Variants in HABP2 observed in about 807,000 individuals in gnomAD.
The protein encoded by HABP2 is factor VII-activating protease.
HABP2 carries 65 observed loss-of-function variants against 66.5 expected under a neutral mutation model. The observed-to-expected ratio is 0.98, with a 90% CI of 0.80 to 1.20. The LOEUF (loss-of-function observed/expected upper bound fraction) is 1.20. Ranked by LOEUF, HABP2 falls within the 50% of genes most tolerant of loss-of-function variation. HABP2 has a pLI of 0.00. For missense variants in HABP2, 786 were observed against 691.0 expected, an observed-to-expected ratio of 1.14 and a Z score of -1.54; for synonymous variants, 263 against 253.9, an observed-to-expected ratio of 1.04 and a Z score of -0.34.
chr10:113,579,274 A>T (rs1007639444), intron 7 of HABP2, among the ~76,000 whole-genome samples: 2 of 151,920 alleles, frequency 1.3e-5, no homozygotes, highest in Non-Finnish European at 2.9e-5. Flanking sequence ...AAAAGAAAAA[A>T]TGTCTATTTC....
At chr10:113,554,995 CA>C (rs1422803601) in intron 1 of HABP2, among the ~76,000 whole-genome samples, 1 of 152,154 alleles carries the variant, frequency 6.6e-6, no homozygotes, top group Non-Finnish European at 1.5e-5. Context: ...ATACAGACAT[CA>C]GGGGAAAGTG....
Position 113,589,532 on chromosome 10 carries a change from T to C in HABP2, c.*1163T>C. 1 of 1,075,358 alleles carries C rather than the reference T, an allele frequency of 9.3e-7. No homozygotes were observed. Among genetic ancestry groups the C allele is most frequent in the Non-Finnish European group, 1.3e-6 (1 of 749,244 alleles). The allele number at this position is 1,075,358 out of a possible 1,614,324, so 66.6% of individuals were successfully genotyped here. A position where few individuals can be genotyped will look rare whatever the true frequency, so the allele number is the denominator to read the frequency against. The stretch of plus-strand genomic sequence containing the variant: ...TCTCAGACCCATGAAATTAGGCGCC[T>C]TGTTTGAGCTGCGTTTCACACTTCT... On this transcript the variant is annotated 3_prime_UTR_variant, in exon 13 of 13. Transcript: ENST00000351270.
rs74774135 is a variant in HABP2 at position 113,578,871 on chromosome 10, C to T, written c.740+73C>T. 935 of 1,010,982 alleles carry T rather than the reference C, an allele frequency of 9.2e-4. 6 individuals are homozygous for T. In the African/African-American group the frequency reaches 0.013, roughly 14 times the overall value. The allele number at this position is 1,010,982 out of a possible 1,614,324, so 62.6% of individuals were successfully genotyped here. On this transcript the variant is annotated intron_variant, in intron 7 of 12. Transcript: ENST00000351270. Reference sequence around the variant, plus strand: ...AAAACAGATCATTGAAATTCATCAGCCTCCTTTCTAGGAAGATTTTCTTAC... The same window carrying T: ...AAAACAGATCATTGAAATTCATCAGTCTCCTTTCTAGGAAGATTTTCTTAC...
chr10:113,575,222 C>T (rs11575680), intron 3 of HABP2, among the ~76,000 whole-genome samples: 10 of 152,314 alleles, frequency 6.6e-5, no homozygotes, highest in Non-Finnish European at 1.0e-4. Flanking sequence ...ATCCTAGTTC[C>T]TGAACCAAAG....
intron 4 of HABP2, 52 bp from the exon 5 acceptor site, chr10:113,577,098 C>A: frequency 1.0e-6 from 1 of 997,754 alleles, no homozygotes; most frequent in Non-Finnish European, 1.6e-6. Context: ...ACATGTATCC[C>A]TCTAAGGAAA....
At chr10:113,566,784 G>A (rs558253311) in intron 1 of HABP2, among the ~76,000 whole-genome samples, 1 of 152,304 alleles carries the variant, frequency 6.6e-6, no homozygotes, top group Non-Finnish European at 1.5e-5. Flanking sequence ...CTTCCAGGCA[G>A]AGGCAACAAT....
At position 113,574,388 on chromosome 10, in the gene HABP2, A is replaced by T. The variant is rs1227284905; in HGVS notation, c.206A>T (p.Tyr69Phe). ...CACGCTGAGAATCCTGACTGGTACT[A>T]CACTGAGGACCAAGCTGGTAGGTAC... ...LTHAENPDWY[Y>F]TEDQADPCQP... The change falls in exon 3 of 13, where the codon TAC becomes TTC. Residue 69 changes from tyrosine (Y) to phenylalanine (F), a missense_variant. Coordinates refer to ENST00000351270, the MANE Select transcript of HABP2 (RefSeq NM_004132.5). 6.5e-7 allele frequency: 1 copy of T among 1,530,618 alleles called. No homozygotes were observed. Among genetic ancestry groups the T allele is most frequent in the Admixed American group, 1.7e-5 (1 of 59,892 alleles). 94.8% of individuals were successfully genotyped at this position (1,530,618 alleles called of 1,614,324 possible).
intron 6 of HABP2, 104 bp from the exon 7 acceptor site, chr10:113,578,523 A>G: frequency 1.3e-6 from 1 of 749,506 alleles, no homozygotes; most frequent in African/African-American, 1.7e-5. Flanking sequence ...GGCGATAAAT[A>G]TGCAGGTCCA....
intron 1 of HABP2, among the ~76,000 whole-genome samples, chr10:113,564,762 CT>C (rs1195144342): frequency 1.3e-5 from 2 of 152,160 alleles, no homozygotes; most frequent in African/African-American, 4.8e-5. Context: ...TCTCATTCTC[CT>C]GTGTGTATAG....
At chr10:113,564,795 T>C (rs1845166873) in intron 1 of HABP2, among the ~76,000 whole-genome samples, 1 of 152,188 alleles carries the variant, frequency 6.6e-6, no homozygotes, top group Non-Finnish European at 1.5e-5. Context: ...GTTTGTTTGC[T>C]GAATCATTTG....
chr10:113,573,937 C>T (rs1268513115), intron 2 of HABP2, among the ~76,000 whole-genome samples: 1 of 152,164 alleles, frequency 6.6e-6, no homozygotes, highest in African/African-American at 2.4e-5. Context: ...AGGTCCCAAT[C>T]CTCTTCCTGC....
chr10:113,583,353 A>G lies in HABP2; in HGVS notation c.1232A>G (p.Asp411Gly). ...GAAAGAGATGAGATTCCCCACAATG[A>G]TATTGGCAAGTTCCTCTTTCATGGC... ...YNERDEIPHNDIALLKLKPVD... is the reference protein window; with the variant it reads ...YNERDEIPHNGIALLKLKPVD... Residue 411 changes from aspartate (D) to glycine (G), a missense_variant, in exon 10 of 13, where the codon GAT becomes GGT. Transcript: ENST00000351270. The G allele has an allele frequency of 6.2e-7, 1 of 1,612,866 alleles. No individual in the cohort carries two copies. Among genetic ancestry groups the G allele is most frequent in the Non-Finnish European group, 8.5e-7 (1 of 1,178,874 alleles).
At chr10:113,572,612 AT>A in intron 2 of HABP2, 8 of 416,924 alleles carry the variant, frequency 1.9e-5, no homozygotes, top group East Asian at 7.6e-5. Context: ...TCAGAAAAAC[AT>A]TTTTTTCCTC....
rs1845701747 is a variant in HABP2 at position 113,588,313 on chromosome 10, G to T, written c.1627G>T (p.Val543Phe). The T allele has an allele frequency of 6.2e-7, 1 of 1,613,802 alleles. No individual in the cohort carries two copies. Among genetic ancestry groups the T allele is most frequent in the East Asian group, 2.2e-5 (1 of 44,864 alleles). The change falls in exon 13 of 13, where the codon GTT becomes TTT. Residue 543 changes from valine (V) to phenylalanine (F), a missense_variant. By Grantham distance (50) the Val-to-Phe change is conservative. Transcript: ENST00000351270. ...GAAGAGGCCAGGGGTCTACACCCAA[G>T]TTACCAAATTCCTGAATTGGATCAA... Reference protein sequence around the residue: ...CGKRPGVYTQVTKFLNWIKAT... With the variant: ...CGKRPGVYTQFTKFLNWIKAT...
intron 12 of HABP2, among the ~76,000 whole-genome samples, chr10:113,586,166 C>G (rs1845629668): frequency 6.6e-6 from 1 of 152,232 alleles, no homozygotes; most frequent in Admixed American, 6.5e-5. Context: ...CCTGCACTGT[C>G]TAATTTAACT....
chr10:113,586,473 TGTGG>T (rs1845635709), intron 12 of HABP2, among the ~76,000 whole-genome samples: 1 of 50,308 alleles, frequency 2.0e-5, no homozygotes, highest in African/African-American at 6.1e-5. Context: ...TGTGTGTGTG[TGTGG>T]GGGGGGGGGG....
intron 2 of HABP2, among the ~76,000 whole-genome samples, chr10:113,569,349 CT>C (rs1845259899): frequency 6.6e-6 from 1 of 152,160 alleles, no homozygotes; most frequent in Non-Finnish European, 1.5e-5. Flanking sequence ...GAGATTGGGC[CT>C]TTTTGCAAAG....
intron 1 of HABP2, among the ~76,000 whole-genome samples, chr10:113,566,961 G>A (rs1845209054): frequency 6.6e-6 from 1 of 152,096 alleles, no homozygotes; most frequent in Admixed American, 6.5e-5. Context: ...GCCACTGAAG[G>A]GTTTTAAGCA....
At chr10:113,572,882 A>G (rs754797626) in intron 2 of HABP2, among the ~76,000 whole-genome samples, 1 of 152,236 alleles carries the variant, frequency 6.6e-6, no homozygotes, top group Admixed American at 6.5e-5. Flanking sequence ...AGAAATAAAA[A>G]GCTAGTTCCA....
Sources: gnomAD v4.1 joint callset for allele counts (sites outside exome capture counted in the v4.1 genomes callset) on GRCh38, gnomAD v4.1.1 for gene constraint, MANE v1.5 for transcripts, NCBI Gene and HGNC (gene_info 2026-07-23, HGNC 2026-07-21) for gene names.